ABLIM2: variants seen among roughly 807,000 people sequenced by gnomAD.
ABLIM2 encodes actin-binding LIM protein 2.
A neutral mutation model predicts 97.7 loss-of-function variants in ABLIM2; 53 were observed. That is an observed-to-expected ratio of 0.54 (90% confidence interval 0.44 to 0.68). The LOEUF is 0.68. ABLIM2 is among the 30% of genes least tolerant of loss of function. The pLI, the probability that ABLIM2 is intolerant of heterozygous loss-of-function variation, is 0.00. For synonymous variants in ABLIM2, 361 were observed against 345.8 expected (o/e 1.04, Z -0.49); for missense variants, 835 against 867.2 (o/e 0.96, Z 0.47).
At chr4:7,988,170 G>A (rs1424685639) in intron 17 of ABLIM2, among the ~76,000 whole-genome samples, 2 of 152,114 alleles carry the variant, frequency 1.3e-5, no homozygotes, top group African/African-American at 4.8e-5. Flanking sequence ...TTACAGGCAT[G>A]CGTCACCATG....
At chr4:8,059,225 G>C (rs758640831) in intron 7 of ABLIM2, among the ~76,000 whole-genome samples, 1 of 152,176 alleles carries the variant, frequency 6.6e-6, no homozygotes, top group East Asian at 1.9e-4. Flanking sequence ...CTCAGAACAT[G>C]CCACCCCAAA....
chr4:7,968,684 G>A (rs1725034590), intron 20 of ABLIM2, among the ~76,000 whole-genome samples: 1 of 152,222 alleles, frequency 6.6e-6, no homozygotes, highest in Non-Finnish European at 1.5e-5. Context: ...GGGGAGAGAG[G>A]AATGGGGAGG....
At chr4:7,993,958 T>C (rs1420027958) in intron 16 of ABLIM2, 1 of 511,984 alleles carries the variant, frequency 2.0e-6, no homozygotes, top group South Asian at 1.4e-5. Context: ...TACCACGTGA[T>C]GGGAGAGCAG....
At position 8,069,408 on chromosome 4, in the gene ABLIM2, C is replaced by T. The variant is rs932940218; in HGVS notation, c.675+8220G>A. Among the ~76,000 whole-genome samples the T allele has an allele frequency of 6.6e-6, 1 of 152,214 alleles. No homozygotes were observed. The highest frequency in any genetic ancestry group is 2.4e-5 in the African/African-American group (1 of 41,454). On this transcript the variant is annotated intron_variant, in intron 6 of 20. Coordinates refer to ENST00000447017, the MANE Select transcript of ABLIM2 (RefSeq NM_001130083.2). The surrounding 1 kb of genome is among the most constrained non-coding windows in gnomAD (Gnocchi z 4.2). ...GCGTGTCCAGGCTCGGAGGGTCCCA[C>T]CACGAAGACAGTGATGAGCACATTG...
At position 8,021,418 on chromosome 4, in the gene ABLIM2, A is replaced by G. The variant is rs949729131; in HGVS notation, c.1268-1115T>C. Among the ~76,000 whole-genome samples the G allele has an allele frequency of 2.6e-5, 4 of 152,104 alleles. No homozygotes were observed. The highest frequency in any genetic ancestry group is 5.9e-5 in the Non-Finnish European group (4 of 68,008). On this transcript the variant is annotated intron_variant, in intron 12 of 20. Coordinates refer to ENST00000447017, the MANE Select transcript of ABLIM2 (RefSeq NM_001130083.2). This position sits in a 1 kb window ranked among gnomAD's most constrained non-coding sequence, Gnocchi z 5.5. ...ACGCTCCCTGCAGAAGACACTCCCA[A>G]GGCCCCGTTCCTCCCACCTGCCAGC...
rs1352242630 is a variant in ABLIM2 at position 8,120,083 on chromosome 4, A to T, written c.11-13446T>A. On this transcript the variant is annotated intron_variant, in intron 1 of 20. Coordinates refer to ENST00000447017, the MANE Select transcript of ABLIM2 (RefSeq NM_001130083.2). The surrounding 1 kb of genome is among the most constrained non-coding windows in gnomAD (Gnocchi z 5.6). Reference sequence around the variant, plus strand: ...GCGACAGGCACAGACGTCGGGCGGCAGGGTCCCTGGCGGCCCCCAGAGCCT... The same window carrying T: ...GCGACAGGCACAGACGTCGGGCGGCTGGGTCCCTGGCGGCCCCCAGAGCCT... Among the ~76,000 whole-genome samples, 1 of 152,178 alleles carries T rather than the reference A, an allele frequency of 6.6e-6. No individual in the cohort carries two copies. The highest frequency in any genetic ancestry group is 1.5e-5 in the Non-Finnish European group (1 of 68,022).
intron 2 of ABLIM2, among the ~76,000 whole-genome samples, chr4:8,097,585 C>G (rs892034573): frequency 2.6e-5 from 4 of 152,214 alleles, no homozygotes; most frequent in African/African-American, 9.6e-5. Context: ...CGCTAGAGTG[C>G]CCCCAGCCTC....
rs1435508058 is a variant in ABLIM2, at chr4:8,106,555, G to A, written c.93C>T (p.Cys31=). The change falls in exon 2 of 21, where the codon TGC becomes TGT. Residue 31 remains cysteine, a synonymous_variant. Transcript: ENST00000447017. ...AILCNTCGNV[C]KGEVLRVQDK... ...CCTGCACCCGCAGCACCTCGCCCTT[G>A]CACACATTCCCACACGTGTTGCACA... 8 of 1,608,750 alleles carry A rather than the reference G, an allele frequency of 5.0e-6. No individual in the cohort carries two copies. The highest frequency in any genetic ancestry group is 1.3e-5 in the African/African-American group (1 of 74,858).
At chr4:7,995,889 C>T (rs140329208) in intron 16 of ABLIM2, among the ~76,000 whole-genome samples, 3 of 152,342 alleles carry the variant, frequency 2.0e-5, no homozygotes, top group Non-Finnish European at 4.4e-5. Context: ...CTAGCCAGCT[C>T]TTCTCATGTC....
In ABLIM2 at chr4:8,001,807, G is replaced by C. The variant is rs1239828626; in HGVS notation, c.1618+6252C>G. Among the ~76,000 whole-genome samples, 1 of 151,992 alleles carries C rather than the reference G, an allele frequency of 6.6e-6. No homozygotes were observed. Among genetic ancestry groups the C allele is most frequent in the African/African-American group, 2.4e-5 (1 of 41,388 alleles). ...GGCTGCCCCCTTCCCCACTTCCCTGGCCCACTTCCTCTCCTGGCTTTCTCC... is the reference window on the plus strand; with the variant it reads ...GGCTGCCCCCTTCCCCACTTCCCTGCCCCACTTCCTCTCCTGGCTTTCTCC... On this transcript the variant is annotated intron_variant, in intron 16 of 20. Transcript: ENST00000447017. The surrounding 1 kb of genome is among the most constrained non-coding windows in gnomAD (Gnocchi z 4.2).
chr4:8,144,815 C>A (rs997060200), intron 1 of ABLIM2, among the ~76,000 whole-genome samples: 12 of 152,264 alleles, frequency 7.9e-5, no homozygotes, highest in African/African-American at 2.9e-4. Flanking sequence ...ACCCTTTTAT[C>A]AAGAAGCGTG....
rs1715186115 is a variant in ABLIM2, at chr4:8,155,985, A to C, written c.10+2695T>G. On this transcript the variant is annotated intron_variant, in intron 1 of 20. Transcript: ENST00000447017. The surrounding 1 kb of genome is among the most constrained non-coding windows in gnomAD (Gnocchi z 4.2). ...TGGCCTCTAGAATCAGCAAAAAAAT[A>C]AGTGTCTTCTCTTTAAGCCACCTGG... 6.6e-6 allele frequency among the ~76,000 whole-genome samples: 1 copy of C among 152,188 alleles called. No homozygotes were observed. The highest frequency in any genetic ancestry group is 6.5e-5 in the Admixed American group (1 of 15,282).
intron 17 of ABLIM2, among the ~76,000 whole-genome samples, chr4:7,989,696 A>G (rs1747169771): frequency 6.6e-6 from 1 of 152,212 alleles, no homozygotes; most frequent in African/African-American, 2.4e-5. Context: ...ATGATAACAC[A>G]TCTGATTTTA....
intron 1 of ABLIM2, among the ~76,000 whole-genome samples, chr4:8,114,818 C>T (rs1424708402): frequency 6.6e-6 from 1 of 152,232 alleles, no homozygotes; most frequent in Admixed American, 6.5e-5. Context: ...CCCAAACAGT[C>T]ACCAGACAGT....
At chr4:8,041,124 A>AC (rs898638279) in intron 9 of ABLIM2, among the ~76,000 whole-genome samples, 4 of 152,366 alleles carry the variant, frequency 2.6e-5, no homozygotes, top group African/African-American at 9.6e-5. Context: ...CAAAGCTGAG[A>AC]CACAGTGCAC....
intron 14 of ABLIM2, among the ~76,000 whole-genome samples, chr4:8,012,017 C>A (rs1765220552): frequency 6.6e-6 from 1 of 152,150 alleles, no homozygotes. Context: ...CTTATCCATG[C>A]ACCCACTCCT....
intron 2 of ABLIM2, among the ~76,000 whole-genome samples, chr4:8,104,218 CG>C (rs1472448527): frequency 6.6e-6 from 1 of 152,164 alleles, no homozygotes; most frequent in Non-Finnish European, 1.5e-5. Context: ...GGATGGAGGC[CG>C]GCCACACTCA....
intron 1 of ABLIM2, among the ~76,000 whole-genome samples, chr4:8,146,354 C>T (rs1344266908): frequency 4.6e-5 from 7 of 152,158 alleles, no homozygotes; most frequent in Non-Finnish European, 7.3e-5. Context: ...TGACATGTGA[C>T]GTCACAACTG....
At position 7,992,727 on chromosome 4, in the gene ABLIM2, A is replaced by C; in HGVS notation, c.1680+139T>G. 1.2e-6 allele frequency: 1 copy of C among 862,406 alleles called. No homozygotes were observed. The highest frequency in any genetic ancestry group is 1.9e-6 in the Non-Finnish European group (1 of 538,072). The allele number at this position is 862,406 out of a possible 1,614,324, so 53.4% of individuals were successfully genotyped here. On this transcript the variant is annotated intron_variant, in intron 17 of 20. Transcript: ENST00000447017. This position sits in a 1 kb window ranked among gnomAD's most constrained non-coding sequence, Gnocchi z 5.7. ...GTGGTGGCAGTGGCAGCCCCTGGGA[A>C]GGGCATCAGGCAGAGGCAGGTGGGC... is the stretch of plus-strand genomic sequence containing the variant.
Sources: gnomAD v4.1 joint callset for allele counts (sites outside exome capture counted in the v4.1 genomes callset) on GRCh38, gnomAD v4.1.1 for gene constraint, Gnocchi (gnomAD v3.1) non-coding constraint, MANE v1.5 for transcripts, NCBI Gene and HGNC (gene_info 2026-07-23, HGNC 2026-07-21) for gene names.